The following ATP6V0A4 variants were observed in gnomAD, a reference collection of about 807,000 sequenced individuals.
ATP6V0A4 encodes V-type proton ATPase 116 kDa subunit a 4.
A neutral mutation model predicts 107.3 loss-of-function variants in ATP6V0A4; 86 were observed. That is an observed-to-expected ratio of 0.80 (90% CI 0.67 to 0.96). ATP6V0A4 has a LOEUF of 0.96. Among genes scored for constraint, ATP6V0A4 ranks in the 40% least tolerant of loss-of-function variants. ATP6V0A4 has a pLI of 0.00. For missense variants in ATP6V0A4, 908 were observed against 1,045.6 expected (o/e 0.87, Z 1.81); for synonymous variants, 353 against 381.4 (o/e 0.93, Z 0.87).
At chr7:138,707,183 T>A (rs1402538173) in intron 21 of ATP6V0A4, among the ~76,000 whole-genome samples, 6 of 71,370 alleles carry the variant, frequency 8.4e-5, no homozygotes, top group African/African-American at 1.3e-4. Flanking sequence ...TATTATATAA[T>A]ATATTATATA....
At chr7:138,736,944 G>A (rs1805356419) in intron 15 of ATP6V0A4, among the ~76,000 whole-genome samples, 1 of 151,616 alleles carries the variant, frequency 6.6e-6, no homozygotes. Flanking sequence ...AACTCACAGA[G>A]CAAGTAAATA....
At chr7:138,755,552 G>A in intron 10 of ATP6V0A4, 137 bp downstream of exon 10, 3 of 1,192,132 alleles carry the variant, frequency 2.5e-6, no homozygotes, top group Non-Finnish European at 3.6e-6. Flanking sequence ...ATCTTCCACA[G>A]CCACAACCAG....
intron 10 of ATP6V0A4, 45 bp from the exon 11 acceptor site, chr7:138,752,882 G>A (rs1806306508): frequency 6.2e-7 from 1 of 1,606,702 alleles, no homozygotes; most frequent in Non-Finnish European, 8.5e-7. Context: ...CCTTCACAGA[G>A]CTGTTTGACA....
At chr7:138,765,110 T>A (rs751057066) in intron 5 of ATP6V0A4, among the ~76,000 whole-genome samples, 2 of 152,230 alleles carry the variant, frequency 1.3e-5, no homozygotes, top group South Asian at 2.1e-4. Context: ...AGATTTTTTT[T>A]AAACAATAAA....
intron 17 of ATP6V0A4, among the ~76,000 whole-genome samples, chr7:138,732,596 G>A (rs1805074336): frequency 6.6e-6 from 1 of 151,920 alleles, no homozygotes; most frequent in Non-Finnish European, 1.5e-5. Context: ...GAGTTCGAGA[G>A]CAGCCTGGCC....
chr7:138,714,591 T>TGATA (rs1171009403), intron 20 of ATP6V0A4, among the ~76,000 whole-genome samples: 3 of 151,846 alleles, frequency 2.0e-5, no homozygotes, highest in Admixed American at 6.6e-5. Flanking sequence ...GACAGGCAGA[T>TGATA]GATAGATAGA....
intron 19 of ATP6V0A4, among the ~76,000 whole-genome samples, chr7:138,721,172 C>G (rs544307616): frequency 6.6e-6 from 1 of 152,264 alleles, no homozygotes; most frequent in East Asian, 1.9e-4. Flanking sequence ...TGTCCTTGCA[C>G]AGGCAGGGGC....
In ATP6V0A4 at chr7:138,762,382, A is replaced by G. The variant is rs1261966753; in HGVS notation, c.470T>C (p.Leu157Pro). 1 of 1,614,200 alleles carries G rather than the reference A, an allele frequency of 6.2e-7. No homozygotes were observed. The highest frequency in any genetic ancestry group is 1.3e-5 in the African/African-American group (1 of 75,038). The change falls in exon 7 of 22, where the codon CTG becomes CCG. Residue 157 changes from leucine (L) to proline (P), a missense_variant. By Grantham distance (98) the Leu-to-Pro change is moderately conservative. Transcript: ENST00000310018. ...ATATGCAGGCACTGCTTTCAACTCC[A>G]GGAGGCCAGAAGTGTCCTCAGTAAA... is the stretch of plus-strand genomic sequence containing the variant. ...DFFTEDTSGL[L>P]ELKAVPAYMT...
At chr7:138,785,835 A>G (rs923348178) in intron 2 of ATP6V0A4, among the ~76,000 whole-genome samples, 7 of 152,212 alleles carry the variant, frequency 4.6e-5, no homozygotes, top group African/African-American at 1.7e-4. Context: ...CACTGAGATC[A>G]AATCTACGGA....
chr7:138,743,790 T>C (rs533284575), intron 14 of ATP6V0A4, among the ~76,000 whole-genome samples: 78 of 152,318 alleles, frequency 5.1e-4, no homozygotes, highest in African/African-American at 1.4e-3. Flanking sequence ...AACGTCACCA[T>C]TGATATGTAG....
intron 21 of ATP6V0A4, among the ~76,000 whole-genome samples, chr7:138,707,350 A>AATATATATTATATTATAT (rs1803489311): frequency 1.1e-5 from 1 of 90,394 alleles, no homozygotes; most frequent in Non-Finnish European, 2.0e-5. Flanking sequence ...TATATATTAT[A>AATATATATTATATTATAT]ATATATATTA....
intron 12 of ATP6V0A4, among the ~76,000 whole-genome samples, chr7:138,748,904 G>T (rs1187381728): frequency 1.3e-5 from 2 of 152,140 alleles, no homozygotes; most frequent in East Asian, 3.8e-4. Flanking sequence ...GCAGTTTAAG[G>T]GTGCACAGGT....
chr7:138,788,809 C>T (rs947977048), intron 1 of ATP6V0A4, among the ~76,000 whole-genome samples: 22 of 152,204 alleles, frequency 1.4e-4, no homozygotes, highest in African/African-American at 3.6e-4. Context: ...CCCCTTCACA[C>T]GCTTTCTTGC....
chr7:138,767,302 C>T (rs1807141297), intron 5 of ATP6V0A4, among the ~76,000 whole-genome samples: 1 of 152,222 alleles, frequency 6.6e-6, no homozygotes, highest in Non-Finnish European at 1.5e-5. Context: ...GTGGGCGGAT[C>T]ACCTGAGGTC....
intron 15 of ATP6V0A4, among the ~76,000 whole-genome samples, chr7:138,737,948 G>A (rs1805431676): frequency 6.6e-6 from 1 of 151,780 alleles, no homozygotes; most frequent in South Asian, 2.1e-4. Context: ...TTTTAGTGGA[G>A]ACAAGGTTTC....
chr7:138,767,219 T>A (rs1807134435), intron 5 of ATP6V0A4, among the ~76,000 whole-genome samples: 1 of 152,122 alleles, frequency 6.6e-6, no homozygotes, highest in South Asian at 2.1e-4. Context: ...TAATTTGTAA[T>A]ACAGTCAAAA....
intron 19 of ATP6V0A4, among the ~76,000 whole-genome samples, chr7:138,718,462 T>TTC (rs1804228296): frequency 1.2e-4 from 3 of 25,916 alleles, no homozygotes; most frequent in East Asian, 1.2e-3. Context: ...CAGGAAGGAA[T>TTC]GGGGGGGATG....
rs1805499501 is a variant in ATP6V0A4, at chr7:138,739,364, A to C, written c.1572+176T>G. Among the ~76,000 whole-genome samples, 4 of 152,238 alleles carry C rather than the reference A, an allele frequency of 2.6e-5. 1 individual carries two copies. The South Asian group carries it at 8.3e-4, about 32-fold the overall frequency. ...GAAAATGGGGCTGGGTAGAAGGTGTAGACAGAACTTTTACTTGACTCTGGC... is the reference window on the plus strand; with the variant it reads ...GAAAATGGGGCTGGGTAGAAGGTGTCGACAGAACTTTTACTTGACTCTGGC... On this transcript the variant is annotated intron_variant, in intron 15 of 21. Transcript: ENST00000310018.
intron 18 of ATP6V0A4, among the ~76,000 whole-genome samples, chr7:138,728,174 G>A (rs1218740549): frequency 1.4e-5 from 2 of 143,846 alleles, no homozygotes; most frequent in African/African-American, 5.1e-5. Context: ...ACTACCACGA[G>A]ACTCAGCACA....
Sources: allele counts gnomAD v4.1 joint callset (sites outside exome capture counted in the v4.1 genomes callset), GRCh38; gene constraint gnomAD v4.1.1; transcripts MANE v1.5; gene names NCBI Gene and HGNC (gene_info 2026-07-23, HGNC 2026-07-21).